CPNE4: variants seen among roughly 807,000 people sequenced by gnomAD.
CPNE4 encodes the protein copine 4.
Under a neutral mutation model 67.9 loss-of-function variants are expected in CPNE4, and 25 were observed. The observed-to-expected ratio is 0.37, with a 90% CI of 0.27 to 0.51. The LOEUF is 0.51. Ranked by LOEUF, CPNE4 falls within the 20% of genes least tolerant of loss-of-function variation. The pLI, the probability that CPNE4 is intolerant of heterozygous loss-of-function variation, is 0.93. For synonymous variants in CPNE4, 242 were observed against 244.9 expected, an observed-to-expected ratio of 0.99 and a Z score of 0.11; for missense variants, 464 against 690.8, an observed-to-expected ratio of 0.67 and a Z score of 3.68.
intron 2 of CPNE4, among the ~76,000 whole-genome samples, chr3:131,752,093 A>G (rs1172256208): frequency 1.3e-5 from 2 of 152,152 alleles, no homozygotes; most frequent in Non-Finnish European, 2.9e-5. Context: ...TAGGAGTGAA[A>G]GCCCACATTT....
intron 2 of CPNE4, among the ~76,000 whole-genome samples, chr3:131,880,965 C>A (rs1216486809): frequency 6.6e-6 from 1 of 152,204 alleles, no homozygotes; most frequent in African/African-American, 2.4e-5. Context: ...GTAGCCTCTG[C>A]CATCTGGGAG....
intron 7 of CPNE4, among the ~76,000 whole-genome samples, chr3:131,616,518 C>T (rs2107751125): frequency 6.6e-6 from 1 of 152,322 alleles, no homozygotes; most frequent in South Asian, 2.1e-4. Context: ...CCAAATTCCT[C>T]TGGATAAAAA....
At chr3:131,581,429 C>G in intron 9 of CPNE4, 150 bp downstream of exon 9, 1 of 604,192 alleles carries the variant, frequency 1.7e-6, no homozygotes, top group African/African-American at 1.9e-5. Context: ...TTACATTTCT[C>G]ATTTTATGTT....
chr3:131,757,594 C>T (rs1260267282), intron 2 of CPNE4, among the ~76,000 whole-genome samples: 1 of 152,158 alleles, frequency 6.6e-6, no homozygotes, highest in Non-Finnish European at 1.5e-5. Context: ...AAGAAAATCC[C>T]ATTTTCTGAG....
At chr3:131,923,732 A>T (rs1299076444) in intron 1 of CPNE4, among the ~76,000 whole-genome samples, 2 of 136,842 alleles carry the variant, frequency 1.5e-5, no homozygotes, top group East Asian at 2.2e-4. Flanking sequence ...AAAAAAAATT[A>T]AAAAAAAATA....
chr3:131,946,901 G>C (rs922586130), intron 1 of CPNE4, among the ~76,000 whole-genome samples: 2 of 152,094 alleles, frequency 1.3e-5, no homozygotes, highest in Non-Finnish European at 2.9e-5. Context: ...TGAGGGTCCA[G>C]CTTTATACTT....
In CPNE4 at chr3:131,865,338, G is replaced by T. The variant is rs535273980; in HGVS notation, c.180+39926C>A. Among the ~76,000 whole-genome samples the T allele has an allele frequency of 3.3e-5, 5 of 152,252 alleles. No individual in the cohort carries two copies. The South Asian group carries it at 1.0e-3, about 32-fold the overall frequency. ...TCGGCTGTGAATCCATCTGGTCCTA[G>T]AATTTTTTTGGTTGGTAATAAGCTC... On this transcript the variant is annotated intron_variant, in intron 2 of 15. Coordinates refer to ENST00000429747, the MANE Select transcript of CPNE4 (RefSeq NM_130808.3).
At chr3:131,738,311 A>T (rs557594727) in intron 2 of CPNE4, among the ~76,000 whole-genome samples, 1 of 152,362 alleles carries the variant, frequency 6.6e-6, no homozygotes, top group Admixed American at 6.5e-5. Flanking sequence ...CTGCAATCCC[A>T]TTATACACAT....
chr3:131,862,807 A>G (rs1372400969), intron 2 of CPNE4, among the ~76,000 whole-genome samples: 1 of 152,076 alleles, frequency 6.6e-6, no homozygotes, highest in East Asian at 1.9e-4. Context: ...TGCTGCACCC[A>G]TTAACTCGTC....
intron 2 of CPNE4, among the ~76,000 whole-genome samples, chr3:131,827,454 G>A (rs1279103889): frequency 2.0e-5 from 3 of 152,050 alleles, no homozygotes; most frequent in Non-Finnish European, 4.4e-5. Flanking sequence ...TATTTCACTT[G>A]TATTTGTTGA....
At chr3:131,593,121 A>G (rs1184194862) in intron 7 of CPNE4, among the ~76,000 whole-genome samples, 2 of 152,240 alleles carry the variant, frequency 1.3e-5, no homozygotes, top group Admixed American at 6.5e-5. Flanking sequence ...TAAACATTTT[A>G]TAATCAGTTT....
intron 7 of CPNE4, among the ~76,000 whole-genome samples, chr3:131,649,121 A>C (rs1471602100): frequency 1.3e-5 from 2 of 152,242 alleles, no homozygotes; most frequent in Non-Finnish European, 2.9e-5. Context: ...TGTGAAAAGC[A>C]GCAGCTTTTG....
At chr3:131,966,125 G>T (rs1486076760) in intron 1 of CPNE4, among the ~76,000 whole-genome samples, 3 of 152,172 alleles carry the variant, frequency 2.0e-5, no homozygotes, top group Non-Finnish European at 4.4e-5. Context: ...AATGACTACT[G>T]AGTAAATAAC....
intron 3 of CPNE4, among the ~76,000 whole-genome samples, chr3:131,717,869 C>CTTTCT (rs1553758847): frequency 0.044 from 1,990 of 45,036 alleles, 151 homozygotes; most frequent in Non-Finnish European, 0.075. Flanking sequence ...TCCTTTCTTT[C>CTTTCT]TTTCTTTTCT....
chr3:131,653,886 C>T (rs1013812760), intron 7 of CPNE4, among the ~76,000 whole-genome samples: 3 of 152,174 alleles, frequency 2.0e-5, no homozygotes, highest in Non-Finnish European at 2.9e-5. Context: ...TCTTAAGAAA[C>T]ACTGAGAGAT....
chr3:131,951,361 C>A (rs1008286719), intron 1 of CPNE4, among the ~76,000 whole-genome samples: 1 of 152,078 alleles, frequency 6.6e-6, no homozygotes, highest in African/African-American at 2.4e-5. Flanking sequence ...ATCCTCTGAA[C>A]TCCTTTGTTA....
chr3:131,552,116 AT>A (rs1936214007), intron 13 of CPNE4, among the ~76,000 whole-genome samples: 1 of 151,154 alleles, frequency 6.6e-6, no homozygotes, highest in Non-Finnish European at 1.5e-5. Context: ...AGAAAGAGGG[AT>A]ATTGTATCAC....
intron 7 of CPNE4, among the ~76,000 whole-genome samples, chr3:131,620,901 A>G (rs73871311): frequency 0.02 from 3,063 of 152,322 alleles, 58 homozygotes; most frequent in African/African-American, 0.049. Context: ...ATCCAGAACT[A>G]TAAGATAATA....
chr3:131,768,410 T>C lies in CPNE4; in HGVS notation c.181-44785A>G, dbSNP rs77662934. On this transcript the variant is annotated intron_variant, in intron 2 of 15. Transcript: ENST00000429747. Reference sequence around the variant, plus strand: ...ATGAATCTATCCATTGGGACAGAAATTGAATCAGAATCCTCCTTTGTGTAA... The same window carrying C: ...ATGAATCTATCCATTGGGACAGAAACTGAATCAGAATCCTCCTTTGTGTAA... Among the ~76,000 whole-genome samples the C allele has an allele frequency of 7.2e-3, 1,095 of 152,256 alleles. 16 individuals carry two copies. The highest frequency in any genetic ancestry group is 0.025 in the African/African-American group (1,043 of 41,552).
Sources: gnomAD v4.1 joint callset for allele counts (sites outside exome capture counted in the v4.1 genomes callset) on GRCh38, gnomAD v4.1.1 for gene constraint, MANE v1.5 for transcripts, NCBI Gene and HGNC (gene_info 2026-07-23, HGNC 2026-07-21) for gene names.